Variants in PTN observed in about 807,000 individuals in gnomAD.
PTN encodes the protein pleiotrophin, also known as heparin affin regulatory protein.
Under a neutral mutation model 24.1 loss-of-function variants are expected in PTN, and 18 were observed. The ratio of observed to expected loss-of-function variants is 0.75; its 90% CI spans 0.52 to 1.11. PTN has a LOEUF of 1.11. Ranked by LOEUF, PTN falls within the 50% of genes least tolerant of loss-of-function variation. The probability of loss-of-function intolerance (pLI) is 0.00; values close to 1 mark genes in which losing one functional copy is unlikely to be tolerated. For synonymous variants in PTN, 78 were observed against 68.6 expected, an observed-to-expected ratio of 1.14 and a Z score of -0.67; for missense variants, 163 against 198.8, an observed-to-expected ratio of 0.82 and a Z score of 1.08.
intron 4 of PTN, among the ~76,000 whole-genome samples, chr7:137,235,973 G>A (rs369248543): frequency 3.9e-5 from 6 of 152,176 alleles, no homozygotes; most frequent in East Asian, 1.9e-4. Flanking sequence ...TTTGGGAGGC[G>A]GCTCAGCATT....
At position 137,322,898 on chromosome 7, in the gene PTN, T is replaced by C. The variant is rs112761308; in HGVS notation, c.-2+20541A>G. On this transcript the variant is annotated intron_variant, in intron 1 of 4. Coordinates refer to ENST00000348225, the MANE Select transcript of PTN (RefSeq NM_002825.7). ...CAATTCCCTCAGGACACCTTCATCC[T>C]CTTAGTCATATCCAATTTCCTTATT... Among the ~76,000 whole-genome samples the C allele has an allele frequency of 5.2e-3, 788 of 152,332 alleles. 6 individuals are homozygous for C. Among genetic ancestry groups the C allele is most frequent in the Middle Eastern group, 0.017 (5 of 294 alleles).
chr7:137,269,947 A>G (rs1381077322), intron 1 of PTN, among the ~76,000 whole-genome samples: 1 of 152,034 alleles, frequency 6.6e-6, no homozygotes, highest in Non-Finnish European at 1.5e-5. Context: ...ATCTATTTTT[A>G]TGTGAAGATT....
At chr7:137,260,332 C>T (rs1189321222) in intron 1 of PTN, among the ~76,000 whole-genome samples, 1 of 152,076 alleles carries the variant, frequency 6.6e-6, no homozygotes, top group Non-Finnish European at 1.5e-5. Context: ...AAAAACCACA[C>T]AAACCCACTA....
chr7:137,262,807 TAAC>T (rs1337342599), intron 1 of PTN, among the ~76,000 whole-genome samples: 1 of 152,210 alleles, frequency 6.6e-6, no homozygotes, highest in African/African-American at 2.4e-5. Context: ...AATCTATAGA[TAAC>T]AACAGTTGCT....
chr7:137,254,966 G>T lies in PTN; in HGVS notation c.8C>A (p.Ala3Asp), dbSNP rs1203596772. 6.5e-7 allele frequency: 1 copy of T among 1,540,796 alleles called. No individual in the cohort carries two copies. The highest frequency in any genetic ancestry group is 8.9e-7 in the Non-Finnish European group (1 of 1,127,664). The change falls in exon 2 of 5, where the codon GCT (alanine) becomes GAT (aspartate). Residue 3 changes from alanine to aspartate, a missense_variant. Physicochemically the swap from Ala to Asp is moderately radical, Grantham distance 126. Coordinates refer to ENST00000348225, the MANE Select transcript of PTN (RefSeq NM_002825.7). ...TCGACGCTGCTGCTGGTACTGTTGA[G>T]CCTGCATTCTAGGAATAAACAGAGA... MQ[A>D]QQYQQQRRKF...
At chr7:137,337,234 A>G (rs1362516730) in intron 1 of PTN, among the ~76,000 whole-genome samples, 2 of 152,160 alleles carry the variant, frequency 1.3e-5, no homozygotes, top group African/African-American at 4.8e-5. Flanking sequence ...CATACATTGG[A>G]TTTGGGGTTT....
intron 1 of PTN, among the ~76,000 whole-genome samples, chr7:137,309,614 T>C (rs1259223361): frequency 6.6e-6 from 1 of 152,186 alleles, no homozygotes; most frequent in Non-Finnish European, 1.5e-5. Flanking sequence ...ATATTCTAAA[T>C]ACTTTGTTGT....
intron 1 of PTN, among the ~76,000 whole-genome samples, chr7:137,266,460 A>G (rs917082327): frequency 2.0e-5 from 3 of 152,032 alleles, no homozygotes; most frequent in South Asian, 2.1e-4. Context: ...TTTTTGCATA[A>G]ATTTTTTTAT....
At chr7:137,262,410 C>T (rs781352955) in intron 1 of PTN, among the ~76,000 whole-genome samples, 4 of 152,156 alleles carry the variant, frequency 2.6e-5, no homozygotes, top group Non-Finnish European at 4.4e-5. Context: ...CCAGTTTTGT[C>T]ACCTCATTGC....
intron 1 of PTN, among the ~76,000 whole-genome samples, chr7:137,332,921 T>C (rs1388831917): frequency 1.3e-5 from 2 of 152,244 alleles, no homozygotes; most frequent in East Asian, 1.9e-4. Flanking sequence ...AAAGCCATTA[T>C]GAAAACACTG....
intron 4 of PTN, among the ~76,000 whole-genome samples, chr7:137,237,659 A>AC (rs1474806920): frequency 4.0e-5 from 6 of 151,870 alleles, no homozygotes. Flanking sequence ...TAATTCTTTC[A>AC]CCCCCCTTCA....
At chr7:137,264,539 C>T (rs1356248854) in intron 1 of PTN, among the ~76,000 whole-genome samples, 3 of 152,158 alleles carry the variant, frequency 2.0e-5, no homozygotes, top group Non-Finnish European at 2.9e-5. Flanking sequence ...CTCCCATCCA[C>T]GTACAGCTCC....
chr7:137,257,554 G>A (rs1250571587), intron 1 of PTN, among the ~76,000 whole-genome samples: 1 of 152,196 alleles, frequency 6.6e-6, no homozygotes, highest in African/African-American at 2.4e-5. Context: ...TAGGTGTAAA[G>A]TAAACCAAAG....
chr7:137,334,815 TG>T (rs1473936831), intron 1 of PTN, among the ~76,000 whole-genome samples: 1 of 151,820 alleles, frequency 6.6e-6, no homozygotes, highest in Non-Finnish European at 1.5e-5. Context: ...AATGATAGAC[TG>T]GATTAAGAAA....
At chr7:137,334,146 T>C (rs1810406519) in intron 1 of PTN, among the ~76,000 whole-genome samples, 1 of 151,318 alleles carries the variant, frequency 6.6e-6, no homozygotes, top group African/African-American at 2.4e-5. Context: ...GGACTTCATG[T>C]CTAAAACACC....
At chr7:137,247,510 G>T (rs1419813139) in intron 4 of PTN, among the ~76,000 whole-genome samples, 2 of 152,144 alleles carry the variant, frequency 1.3e-5, no homozygotes, top group Non-Finnish European at 2.9e-5. Context: ...GTTAACAGAG[G>T]TTGGGAAGGG....
chr7:137,249,326 G>A (rs1808781817), intron 4 of PTN, among the ~76,000 whole-genome samples: 1 of 151,858 alleles, frequency 6.6e-6, no homozygotes. Flanking sequence ...ATGCATGTGT[G>A]TGTGGTCTCT....
chr7:137,287,846 G>C (rs1196415714), intron 1 of PTN: 1 of 152,104 alleles, frequency 6.6e-6, no homozygotes, highest in Non-Finnish European at 1.5e-5. Context: ...AGCCAGGGGG[G>C]GCGCTATTAG....
At chr7:137,292,384 C>A (rs1809652008) in intron 1 of PTN, among the ~76,000 whole-genome samples, 1 of 152,112 alleles carries the variant, frequency 6.6e-6, no homozygotes, top group Non-Finnish European at 1.5e-5. Flanking sequence ...GTAAGTGAAT[C>A]ATGGGGAAGG....
Sources: gnomAD v4.1 joint callset for allele counts (sites outside exome capture counted in the v4.1 genomes callset) on GRCh38, gnomAD v4.1.1 for gene constraint, MANE v1.5 for transcripts, NCBI Gene and HGNC (gene_info 2026-07-23, HGNC 2026-07-21) for gene names.